The following NRXN1 variants were observed in gnomAD, a reference collection of about 807,000 sequenced individuals.
NRXN1 encodes the protein neurexin 1, also known as neurexin-1.
In NRXN1, 39 loss-of-function variants were observed where a neutral mutation model predicts 150.9. The ratio of observed to expected loss-of-function variants is 0.26; its 90% CI spans 0.20 to 0.34. The LOEUF (loss-of-function observed/expected upper bound fraction) is 0.34. Among genes scored for constraint, NRXN1 ranks in the 10% least tolerant of loss-of-function variants. The probability of loss-of-function intolerance (pLI) is 1.00; values close to 1 mark genes in which losing one functional copy is unlikely to be tolerated. For synonymous variants in NRXN1, 924 were observed against 757.0 expected (o/e 1.22, Z -3.62); for missense variants, 1,815 against 1,949.9 (o/e 0.93, Z 1.30).
intron 10 of NRXN1, among the ~76,000 whole-genome samples, chr2:50,531,716 ATT>A (rs2093120117): frequency 6.6e-6 from 1 of 152,014 alleles, no homozygotes; most frequent in South Asian, 2.1e-4. Flanking sequence ...ATCATGTTGA[ATT>A]TTGAGTGTTT....
intron 17 of NRXN1, among the ~76,000 whole-genome samples, chr2:50,356,124 C>T (rs561019557): frequency 1.3e-5 from 2 of 151,132 alleles, no homozygotes; most frequent in African/African-American, 4.9e-5. Flanking sequence ...AATTACAGAA[C>T]AAACATTTAT....
At chr2:50,236,074 C>T (rs2065389162) in intron 18 of NRXN1, among the ~76,000 whole-genome samples, 1 of 151,960 alleles carries the variant, frequency 6.6e-6, no homozygotes, top group Non-Finnish European at 1.5e-5. Flanking sequence ...TGCCCCTGAA[C>T]CCTAAAGTTA....
intron 17 of NRXN1, among the ~76,000 whole-genome samples, chr2:50,321,148 T>A (rs1255056242): frequency 6.6e-6 from 1 of 152,142 alleles, no homozygotes; most frequent in Non-Finnish European, 1.5e-5. Flanking sequence ...ACAAAAGCAT[T>A]CTTTGGTCTC....
At chr2:50,809,007 T>C (rs1398926898) in intron 5 of NRXN1, among the ~76,000 whole-genome samples, 2 of 152,142 alleles carry the variant, frequency 1.3e-5, no homozygotes, top group Non-Finnish European at 2.9e-5. Flanking sequence ...AAATTCATAA[T>C]GTCTCTGGCC....
intron 5 of NRXN1, among the ~76,000 whole-genome samples, chr2:50,717,610 T>C (rs1044196046): frequency 2.6e-5 from 4 of 152,202 alleles, no homozygotes; most frequent in Non-Finnish European, 5.9e-5. Context: ...GAATTTCACT[T>C]ACAATTATAG....
intron 17 of NRXN1, among the ~76,000 whole-genome samples, chr2:50,291,208 T>A (rs750774262): frequency 2.6e-5 from 4 of 151,962 alleles, no homozygotes; most frequent in Non-Finnish European, 5.9e-5. Context: ...GCTTCCCACT[T>A]TCAGGAACTG....
intron 17 of NRXN1, among the ~76,000 whole-genome samples, chr2:50,387,836 T>C (rs1267516475): frequency 6.6e-6 from 1 of 152,298 alleles, no homozygotes; most frequent in African/African-American, 2.4e-5. Context: ...CAGGAGGCTG[T>C]GAATTAAGAA....
chr2:50,145,892 G>A (rs1017249173), intron 18 of NRXN1, among the ~76,000 whole-genome samples: 3 of 151,540 alleles, frequency 2.0e-5, no homozygotes, highest in Admixed American at 6.6e-5. Context: ...TAAGTGCTAT[G>A]GATAGGTGAT....
chr2:50,553,237 T>G (rs13029649), intron 8 of NRXN1, among the ~76,000 whole-genome samples: 2 of 152,180 alleles, frequency 1.3e-5, no homozygotes, highest in African/African-American at 4.8e-5. Context: ...TCAAATAATG[T>G]GTGTGCAGAT....
chr2:50,439,990 G>A (rs2085799398), intron 17 of NRXN1, among the ~76,000 whole-genome samples: 2 of 152,092 alleles, frequency 1.3e-5, no homozygotes, highest in South Asian at 4.1e-4. Context: ...AGCAGAGCAT[G>A]GATTTCAATC....
chr2:50,094,200 A>G (rs1234643973), intron 18 of NRXN1, among the ~76,000 whole-genome samples: 2 of 152,220 alleles, frequency 1.3e-5, no homozygotes, highest in Admixed American at 1.3e-4. Context: ...TAAGTCAAAA[A>G]CACATTACTG....
intron 5 of NRXN1, among the ~76,000 whole-genome samples, chr2:50,643,017 TCA>T (rs1226172831): frequency 6.6e-6 from 1 of 152,028 alleles, no homozygotes; most frequent in Non-Finnish European, 1.5e-5. Flanking sequence ...TAAAGAGGCC[TCA>T]GATTGTTTAA....
chr2:51,028,509 G>T lies in NRXN1; in HGVS notation c.-236C>A, dbSNP rs918502917. ...GAAAACGTTGACCCCAGTGGTACAG[G>T]GTAGCCACAGAACTTCCAGACCAAA... On this transcript the variant is annotated 5_prime_UTR_variant, in exon 2 of 23. Coordinates refer to ENST00000401669, the MANE Select transcript of NRXN1 (RefSeq NM_001330078.2). 2 of 405,872 alleles carry T rather than the reference G, an allele frequency of 4.9e-6. No individual in the cohort carries two copies. Among genetic ancestry groups the T allele is most frequent in the Admixed American group, 7.9e-5 (2 of 25,252 alleles). The allele number at this position is 405,872 out of a possible 1,614,324, so 25.1% of individuals were successfully genotyped here. A position where few individuals can be genotyped will look rare whatever the true frequency, so the allele number is the denominator to read the frequency against.
chr2:50,827,509 T>C lies in NRXN1; in HGVS notation c.832+94360A>G, dbSNP rs866077183. On this transcript the variant is annotated intron_variant, in intron 5 of 22. Coordinates refer to ENST00000401669, the MANE Select transcript of NRXN1 (RefSeq NM_001330078.2). ...AATAGTAAAAAATAATTTTTAAAAATGAAGAACAAAGTAAACTCTTTTAAA... is the reference window on the plus strand; with the variant it reads ...AATAGTAAAAAATAATTTTTAAAAACGAAGAACAAAGTAAACTCTTTTAAA... 7.2e-5 allele frequency among the ~76,000 whole-genome samples: 11 copies of C among 151,976 alleles called. 1 individual carries two copies. In the Middle Eastern group the frequency reaches 0.01, roughly 141 times the overall value.
chr2:50,185,175 G>C (rs2060985317), intron 18 of NRXN1, among the ~76,000 whole-genome samples: 3 of 152,068 alleles, frequency 2.0e-5, no homozygotes, highest in African/African-American at 7.2e-5. Context: ...AAATCTCTTA[G>C]AATTAGAAGT....
chr2:50,222,920 T>A (rs1242870658), intron 18 of NRXN1, among the ~76,000 whole-genome samples: 3 of 152,074 alleles, frequency 2.0e-5, no homozygotes, highest in Admixed American at 6.6e-5. Context: ...GTGGGTATAT[T>A]ATATGCTGTT....
intron 18 of NRXN1, among the ~76,000 whole-genome samples, chr2:50,154,916 T>A (rs1407115611): frequency 1.3e-5 from 2 of 151,594 alleles, no homozygotes; most frequent in Admixed American, 6.6e-5. Context: ...TTAAAATTAT[T>A]AAGATCACTG....
Position 50,081,742 on chromosome 2 carries a change from A to C in NRXN1, c.3718+9581T>G, listed in dbSNP as rs192990515. 1.4e-3 allele frequency among the ~76,000 whole-genome samples: 212 copies of C among 152,276 alleles called. 1 individual carries two copies. The highest frequency in any genetic ancestry group is 4.9e-3 in the African/African-American group (203 of 41,574). On this transcript the variant is annotated intron_variant, in intron 19 of 22. Transcript: ENST00000401669. ...ATTGTTCATCATACACCAAAATACT[A>C]GCTATTATGTATTATCATTATAAAA...
At chr2:50,156,578 G>A (rs2059034117) in intron 18 of NRXN1, among the ~76,000 whole-genome samples, 1 of 151,804 alleles carries the variant, frequency 6.6e-6, no homozygotes, top group African/African-American at 2.4e-5. Flanking sequence ...TTAAAAAGTT[G>A]TTAAAATAAC....
Sources: allele counts gnomAD v4.1 joint callset (sites outside exome capture counted in the v4.1 genomes callset), GRCh38; gene constraint gnomAD v4.1.1; transcripts MANE v1.5; gene names NCBI Gene and HGNC (gene_info 2026-07-23, HGNC 2026-07-21).